The following ANKFN1 variants were observed in gnomAD, a reference collection of about 807,000 sequenced individuals.
The protein encoded by ANKFN1 is ankyrin repeat and fibronectin type III domain containing 1, also known as ankyrin repeat and fibronectin type-III domain-containing protein 1.
Under a neutral mutation model 108.7 loss-of-function variants are expected in ANKFN1, and 74 were observed. The observed-to-expected ratio is 0.68, with a 90% CI of 0.56 to 0.83. The LOEUF is 0.83. Among genes scored for constraint, ANKFN1 ranks in the 40% least tolerant of loss-of-function variants. The pLI, the probability that ANKFN1 is intolerant of heterozygous loss-of-function variation, is 0.00. For synonymous variants in ANKFN1, 547 were observed against 516.2 expected (o/e 1.06, Z -0.81); for missense variants, 1,505 against 1,382.3 (o/e 1.09, Z -1.41).
intron 3 of ANKFN1, among the ~76,000 whole-genome samples, chr17:56,233,720 G>A (rs1382115634): frequency 6.6e-6 from 1 of 151,720 alleles, no homozygotes; most frequent in African/African-American, 2.4e-5. Flanking sequence ...CTGTGTGTAC[G>A]TGTGTGTACA....
intron 8 of ANKFN1, among the ~76,000 whole-genome samples, chr17:56,422,435 C>T (rs1437738537): frequency 3.3e-5 from 5 of 152,012 alleles, no homozygotes; most frequent in Non-Finnish European, 7.4e-5. Flanking sequence ...CCTGCTGCCA[C>T]CACACACATG....
At chr17:56,053,886 C>T (rs995626101) in intron 4 of ANKFN1, among the ~76,000 whole-genome samples, 2 of 152,136 alleles carry the variant, frequency 1.3e-5, no homozygotes, top group African/African-American at 4.8e-5. Flanking sequence ...TTATTTCAAT[C>T]ACTTTTGGAG....
chr17:56,132,782 G>A (rs940838693), intron 4 of ANKFN1, among the ~76,000 whole-genome samples: 2 of 152,096 alleles, frequency 1.3e-5, no homozygotes, highest in Admixed American at 6.6e-5. Context: ...TGGAAGGGTA[G>A]CCCTCTAGCT....
At chr17:56,366,408 T>C (rs981645119) in intron 6 of ANKFN1, among the ~76,000 whole-genome samples, 4 of 152,158 alleles carry the variant, frequency 2.6e-5, no homozygotes, top group Admixed American at 6.5e-5. Context: ...ATAAAGAATT[T>C]TTTATACATT....
intron 3 of ANKFN1, among the ~76,000 whole-genome samples, chr17:56,301,544 A>G (rs2044669925): frequency 6.6e-6 from 1 of 152,214 alleles, no homozygotes; most frequent in Non-Finnish European, 1.5e-5. Context: ...AAGCTAGGGG[A>G]ACACTTGTCT....
Position 56,323,798 on chromosome 17 carries a change from A to T in ANKFN1, c.54-2423A>T, listed in dbSNP as rs370401520. The stretch of plus-strand genomic sequence containing the variant: ...TTCTATGTGCCAGGAACTCTGCTAA[A>T]CCCTGGACATACAGCAGAGAATAAG... On this transcript the variant is annotated intron_variant, in intron 3 of 20. Coordinates refer to ENST00000682825, the MANE Select transcript of ANKFN1 (RefSeq NM_001370326.1). 2.0e-5 allele frequency among the ~76,000 whole-genome samples: 3 copies of T among 152,152 alleles called. No homozygotes were observed. The East Asian group carries it at 5.8e-4, about 29-fold the overall frequency.
At position 56,350,768 on chromosome 17, in the gene ANKFN1, A is replaced by C; in HGVS notation, c.191A>C (p.Asn64Thr). The change falls in exon 5 of 21, where the codon AAT becomes ACT. Residue 64 changes from asparagine to threonine, a missense_variant and splice_region_variant. Asn to Thr is a moderately conservative substitution (Grantham distance 65). Coordinates refer to ENST00000682825, the MANE Select transcript of ANKFN1 (RefSeq NM_001370326.1). The stretch of plus-strand genomic sequence containing the variant: ...ACATCGGACTTTCCTCTTCTTAGGA[A>C]TTGTCGTGTGAAAATGACGCAACAA... ...SSAASNSINWNCRVKMTQQMQ... is the reference protein window; with the variant it reads ...SSAASNSINWTCRVKMTQQMQ... 1 of 1,613,452 alleles carries C rather than the reference A, an allele frequency of 6.2e-7. No individual in the cohort carries two copies. The highest frequency in any genetic ancestry group is 8.5e-7 in the Non-Finnish European group (1 of 1,179,586).
rs571114337 is a variant in ANKFN1, at chr17:56,237,728, C to A, written c.53+9771C>A. Among the ~76,000 whole-genome samples, 11 of 151,632 alleles carry A rather than the reference C, an allele frequency of 7.3e-5. No individual in the cohort carries two copies. In the East Asian group the frequency reaches 2.1e-3, roughly 29 times the overall value. On this transcript the variant is annotated intron_variant, in intron 3 of 20. Transcript: ENST00000682825. Reference sequence around the variant, plus strand: ...TATATCATTAATTTTTATAACAAACCAACTCCTGGATCTTTTGGAATGGTT... The same window carrying A: ...TATATCATTAATTTTTATAACAAACAAACTCCTGGATCTTTTGGAATGGTT...
At chr17:56,148,814 C>A (rs1007884806), upstream of ANKFN1, among the ~76,000 whole-genome samples, 1 of 152,124 alleles carries the variant, frequency 6.6e-6, no homozygotes, top group Non-Finnish European at 1.5e-5. Flanking sequence ...ATGCAAACAC[C>A]CTCTTATTTT....
intron 2 of ANKFN1, 99 bp from the exon 3 acceptor site, chr17:56,227,818 T>A (rs1916398102): frequency 1.1e-6 from 1 of 929,270 alleles, no homozygotes; most frequent in African/African-American, 1.7e-5. Flanking sequence ...TTCTCTCTCT[T>A]TTTTTTTTCA....
intron 3 of ANKFN1, among the ~76,000 whole-genome samples, chr17:56,318,244 G>C (rs759279183): frequency 6.6e-6 from 1 of 152,042 alleles, no homozygotes; most frequent in Non-Finnish European, 1.5e-5. Flanking sequence ...GGTTCTGGGG[G>C]GGGTGTGCTG....
chr17:56,415,037 C>A (rs923204007), intron 8 of ANKFN1, among the ~76,000 whole-genome samples: 1 of 151,040 alleles, frequency 6.6e-6, no homozygotes, highest in South Asian at 2.1e-4. Flanking sequence ...GAAAAAAAAA[C>A]CCTCAAAAAA....
intron 4 of ANKFN1, among the ~76,000 whole-genome samples, chr17:56,060,944 T>G (rs2143107591): frequency 6.6e-6 from 1 of 152,340 alleles, no homozygotes; most frequent in Non-Finnish European, 1.5e-5. Context: ...TCTGGCTTCA[T>G]CATAAAATGA....
At chr17:56,449,292 G>A in intron 11 of ANKFN1, 106 bp downstream of exon 11, 1 of 741,762 alleles carries the variant, frequency 1.3e-6, no homozygotes, top group East Asian at 2.8e-5. Context: ...CAGGGAGAGA[G>A]ATATTAATAT....
At chr17:56,434,765 G>T (rs1173330763) in intron 8 of ANKFN1, among the ~76,000 whole-genome samples, 1 of 140,320 alleles carries the variant, frequency 7.1e-6, no homozygotes, top group African/African-American at 2.5e-5. Context: ...CTCGGTCTGG[G>T]TTTCTCGGCA....
At chr17:56,081,700 A>G (rs1905247866) in intron 4 of ANKFN1, among the ~76,000 whole-genome samples, 1 of 152,008 alleles carries the variant, frequency 6.6e-6, no homozygotes, top group Non-Finnish European at 1.5e-5. Flanking sequence ...CTTGTATTCC[A>G]TTTCCCTTGA....
intron 17 of ANKFN1, among the ~76,000 whole-genome samples, chr17:56,481,669 G>A (rs1163461867): frequency 6.6e-6 from 1 of 152,126 alleles, no homozygotes; most frequent in Non-Finnish European, 1.5e-5. Flanking sequence ...TCCTTCCATT[G>A]GGGTGCTCTT....
At chr17:56,135,073 A>T (rs1484374022) in intron 4 of ANKFN1, among the ~76,000 whole-genome samples, 1 of 152,138 alleles carries the variant, frequency 6.6e-6, no homozygotes, top group African/African-American at 2.4e-5. Flanking sequence ...TCCCCAGTTC[A>T]CAGATAGTGG....
Position 56,234,143 on chromosome 17 carries a change from TG to T in ANKFN1, c.53+6187del, listed in dbSNP as rs1157556285. Among the ~76,000 whole-genome samples the T allele has an allele frequency of 2.0e-5, 3 of 152,278 alleles. No individual in the cohort carries two copies. In the East Asian group the frequency reaches 5.8e-4, roughly 29 times the overall value. On this transcript the variant is annotated intron_variant, in intron 3 of 20. Coordinates refer to ENST00000682825, the MANE Select transcript of ANKFN1 (RefSeq NM_001370326.1). ...CATTTGCCAATTTCTGTGGTGTAAA[TG>T]CTGCTGCCATGGCCATTTTCAAGTT...
Sources: gnomAD v4.1 joint callset for allele counts (sites outside exome capture counted in the v4.1 genomes callset) on GRCh38, gnomAD v4.1.1 for gene constraint, MANE v1.5 for transcripts, NCBI Gene and HGNC (gene_info 2026-07-23, HGNC 2026-07-21) for gene names.